Variants in BBX observed in about 807,000 individuals in gnomAD.
The protein encoded by BBX is HMG box transcription factor BBX.
In BBX, 30 loss-of-function variants were observed where a neutral mutation model predicts 100.2. The observed-to-expected ratio is 0.30, with a 90% confidence interval of 0.22 to 0.41. BBX has a LOEUF of 0.41. Ranked by LOEUF, BBX falls within the 10% of genes least tolerant of loss-of-function variation. The pLI, the probability that BBX is intolerant of heterozygous loss-of-function variation, is 1.00. For missense variants in BBX, 1,023 were observed against 1,129.8 expected (o/e 0.91, Z 1.35); for synonymous variants, 376 against 388.1 (o/e 0.97, Z 0.37).
intron 8 of BBX, among the ~76,000 whole-genome samples, chr3:107,747,016 G>A (rs968892793): frequency 1.3e-4 from 20 of 152,080 alleles, no homozygotes; most frequent in African/African-American, 4.1e-4. Flanking sequence ...CTTTTACCCT[G>A]TATTATAGCT....
chr3:107,548,672 A>G (rs902173209), intron 2 of BBX, among the ~76,000 whole-genome samples: 2 of 152,328 alleles, frequency 1.3e-5, no homozygotes, highest in Admixed American at 6.5e-5. Flanking sequence ...TGTTTTGTCA[A>G]AAAGACACAT....
intron 2 of BBX, among the ~76,000 whole-genome samples, chr3:107,592,360 C>A (rs1456693398): frequency 3.8e-3 from 287 of 74,852 alleles, no homozygotes; most frequent in Middle Eastern, 0.02. Context: ...GACCCTGTCT[C>A]AAAAAAAAAA....
At chr3:107,606,385 T>C (rs2054441135) in intron 2 of BBX, among the ~76,000 whole-genome samples, 1 of 152,218 alleles carries the variant, frequency 6.6e-6, no homozygotes, top group Non-Finnish European at 1.5e-5. Flanking sequence ...GTACATTTAG[T>C]CAATCAGACT....
chr3:107,735,479 C>A (rs2063575347), intron 7 of BBX, among the ~76,000 whole-genome samples: 1 of 152,004 alleles, frequency 6.6e-6, no homozygotes, highest in Non-Finnish European at 1.5e-5. Context: ...TTTAAAAATG[C>A]CATGACAGAA....
chr3:107,606,640 TA>T (rs1368181138), intron 2 of BBX, among the ~76,000 whole-genome samples: 4 of 152,208 alleles, frequency 2.6e-5, no homozygotes, highest in African/African-American at 9.6e-5. Flanking sequence ...TCTCTCTTTT[TA>T]AAAAGTTTTT....
At chr3:107,803,777 A>T (rs915391374) in intron 17 of BBX, among the ~76,000 whole-genome samples, 1 of 152,194 alleles carries the variant, frequency 6.6e-6, no homozygotes, top group Non-Finnish European at 1.5e-5. Context: ...AGAGAAAATC[A>T]TGAAGAATCT....
At chr3:107,570,389 C>T (rs994745326) in intron 2 of BBX, among the ~76,000 whole-genome samples, 2 of 152,090 alleles carry the variant, frequency 1.3e-5, no homozygotes, top group Non-Finnish European at 2.9e-5. Flanking sequence ...GAGAATAAGA[C>T]GGCCTTCTGA....
At chr3:107,589,578 T>C (rs1241809660) in intron 2 of BBX, among the ~76,000 whole-genome samples, 2 of 152,208 alleles carry the variant, frequency 1.3e-5, no homozygotes, top group African/African-American at 4.8e-5. Flanking sequence ...TAGTTGGCAC[T>C]GTTTGAAGAA....
chr3:107,613,072 C>T (rs2054963145), intron 2 of BBX, among the ~76,000 whole-genome samples: 1 of 152,072 alleles, frequency 6.6e-6, no homozygotes, highest in Non-Finnish European at 1.5e-5. Flanking sequence ...TGCTGATGTT[C>T]ACTTAAAGCC....
intron 1 of BBX, among the ~76,000 whole-genome samples, chr3:107,526,058 G>C (rs1270562126): frequency 2.0e-5 from 3 of 152,216 alleles, no homozygotes; most frequent in African/African-American, 7.2e-5. Flanking sequence ...CTTTGTACAT[G>C]TGGGGAGTAG....
At chr3:107,789,922 A>G in intron 14 of BBX, 46 bp downstream of exon 14, 1 of 1,408,522 alleles carries the variant, frequency 7.1e-7, no homozygotes, top group South Asian at 1.3e-5. Context: ...GGTCACCTCC[A>G]TTGTGATTCA....
intron 2 of BBX, among the ~76,000 whole-genome samples, chr3:107,540,074 A>T (rs1404847050): frequency 6.6e-6 from 1 of 152,206 alleles, no homozygotes; most frequent in Non-Finnish European, 1.5e-5. Flanking sequence ...CTATGCCTAT[A>T]AAAGTACCTG....
At chr3:107,705,488 C>A (rs1329016391) in intron 3 of BBX, among the ~76,000 whole-genome samples, 1 of 152,212 alleles carries the variant, frequency 6.6e-6, no homozygotes, top group Non-Finnish European at 1.5e-5. Flanking sequence ...TGCCAAGGCA[C>A]TGTTTCTGAC....
rs1184741250 is a variant in BBX at position 107,732,991 on chromosome 3, T to C, written c.637T>C (p.Leu213=). The C allele has an allele frequency of 6.2e-7, 1 of 1,613,330 alleles. No individual in the cohort carries two copies. Among genetic ancestry groups the C allele is most frequent in the East Asian group, 2.2e-5 (1 of 44,802 alleles). Residue 213 remains leucine (L), a synonymous_variant, in exon 7 of 18, where the codon TTA becomes CTA. Coordinates refer to ENST00000325805, the MANE Select transcript of BBX (RefSeq NM_001142568.3). Reference sequence around the variant, plus strand: ...AATGGGAGGCCTGAGTATGCTGCTGTTAGCTGGAGAACATGCTCTTGGCAC... The same window carrying C: ...AATGGGAGGCCTGAGTATGCTGCTGCTAGCTGGAGAACATGCTCTTGGCAC... ...TQMGGLSMLL[L]AGEHALGTPE...
chr3:107,670,682 G>T (rs988010401), intron 3 of BBX, among the ~76,000 whole-genome samples: 15 of 152,034 alleles, frequency 9.9e-5, no homozygotes, highest in Non-Finnish European at 2.1e-4. Context: ...TCATATTTGT[G>T]TTACAAATAT....
At chr3:107,769,685 G>A (rs1412435416) in intron 10 of BBX, among the ~76,000 whole-genome samples, 1 of 152,088 alleles carries the variant, frequency 6.6e-6, no homozygotes, top group African/African-American at 2.4e-5. Flanking sequence ...TGTGGCTTCA[G>A]GGAACAGAAC....
At chr3:107,756,331 A>G (rs971852549) in intron 10 of BBX, among the ~76,000 whole-genome samples, 4 of 152,204 alleles carry the variant, frequency 2.6e-5, no homozygotes, top group African/African-American at 9.7e-5. Flanking sequence ...TCAAGGAAAC[A>G]TGCAGAAGAA....
chr3:107,697,196 C>T (rs1213054801), intron 3 of BBX, among the ~76,000 whole-genome samples: 1 of 151,866 alleles, frequency 6.6e-6, no homozygotes, highest in Non-Finnish European at 1.5e-5. Flanking sequence ...CTTCTCTCAG[C>T]TCGTCAAAGT....
At chr3:107,644,435 A>G (rs1261564857) in intron 2 of BBX, among the ~76,000 whole-genome samples, 1 of 152,142 alleles carries the variant, frequency 6.6e-6, no homozygotes, top group African/African-American at 2.4e-5. Context: ...ATATTTACTC[A>G]TCTGTTTCAT....
Sources: allele counts gnomAD v4.1 joint callset (sites outside exome capture counted in the v4.1 genomes callset), GRCh38; gene constraint gnomAD v4.1.1; transcripts MANE v1.5; gene names NCBI Gene and HGNC (gene_info 2026-07-23, HGNC 2026-07-21).